The following ASAP1 variants were observed in gnomAD, a reference collection of about 807,000 sequenced individuals.
ASAP1 encodes the protein arf-GAP with SH3 domain, ANK repeat and PH domain-containing protein 1.
Under a neutral mutation model 145.2 loss-of-function variants are expected in ASAP1, and 43 were observed. That is an observed-to-expected ratio of 0.30 (90% confidence interval 0.23 to 0.38). The LOEUF is 0.38. Ranked by LOEUF, ASAP1 falls within the 10% of genes least tolerant of loss-of-function variation. The probability of loss-of-function intolerance (pLI) is 1.00; values close to 1 mark genes in which losing one functional copy is unlikely to be tolerated. For missense variants in ASAP1, 1,018 were observed against 1,355.3 expected (o/e 0.75, Z 3.91); for synonymous variants, 546 against 515.5 (o/e 1.06, Z -0.80).
At chr8:130,184,201 T>A (rs1217840771) in intron 7 of ASAP1, among the ~76,000 whole-genome samples, 1 of 152,202 alleles carries the variant, frequency 6.6e-6, no homozygotes, top group Admixed American at 6.5e-5. Flanking sequence ...TATAAAAATG[T>A]AAACACTGAA....
intron 3 of ASAP1, among the ~76,000 whole-genome samples, chr8:130,240,910 A>G (rs1818486897): frequency 6.6e-6 from 1 of 152,136 alleles, no homozygotes; most frequent in Non-Finnish European, 1.5e-5. Flanking sequence ...GCTGCTAGGA[A>G]GCCATACTGA....
chr8:130,266,950 GATA>G (rs1565153342), intron 3 of ASAP1, among the ~76,000 whole-genome samples: 1 of 151,592 alleles, frequency 6.6e-6, no homozygotes, highest in South Asian at 2.1e-4. Context: ...GAAAAAGTAG[GATA>G]ATAAGTGAGG....
At chr8:130,176,444 T>C (rs1376618194) in intron 9 of ASAP1, among the ~76,000 whole-genome samples, 1 of 152,202 alleles carries the variant, frequency 6.6e-6, no homozygotes, top group African/African-American at 2.4e-5. Context: ...TAACTTTTAG[T>C]TGAATCCCCT....
chr8:130,066,102 G>A (rs905188170), intron 27 of ASAP1, among the ~76,000 whole-genome samples: 9 of 152,170 alleles, frequency 5.9e-5, no homozygotes, highest in Non-Finnish European at 1.3e-4. Context: ...TGATACAATC[G>A]TGGTACAATT....
At chr8:130,146,020 T>TTC (rs2097628984) in intron 13 of ASAP1, among the ~76,000 whole-genome samples, 1 of 150,544 alleles carries the variant, frequency 6.6e-6, no homozygotes, top group South Asian at 2.1e-4. Flanking sequence ...TTTTGTGTTT[T>TTC]TTTTTTTTTT....
intron 17 of ASAP1, 89 bp downstream of exon 17, chr8:130,125,867 C>T (rs2097574199): frequency 1.5e-6 from 2 of 1,325,852 alleles, no homozygotes; most frequent in Non-Finnish European, 2.1e-6. Flanking sequence ...TCTTTGTACT[C>T]AGCAGACATA....
At chr8:130,332,472 G>A (rs1824757586) in intron 3 of ASAP1, among the ~76,000 whole-genome samples, 2 of 152,130 alleles carry the variant, frequency 1.3e-5, no homozygotes, top group African/African-American at 2.4e-5. Context: ...TTTGTACACT[G>A]TCAAATAAAA....
At chr8:130,255,182 GTT>G (rs1329738522) in intron 3 of ASAP1, among the ~76,000 whole-genome samples, 1 of 152,080 alleles carries the variant, frequency 6.6e-6, no homozygotes. Flanking sequence ...CCCTAAGTCT[GTT>G]TCCTACTTAT....
rs1814795981 is a variant in ASAP1, at chr8:130,187,233, T to TA, written c.530+2dup. The TA allele has an allele frequency of 6.2e-7, 1 of 1,606,032 alleles. No individual in the cohort carries two copies. Among genetic ancestry groups the TA allele is most frequent in the Non-Finnish European group, 8.5e-7 (1 of 1,177,758 alleles). ...CAAAAACTCTAAACAAAAAACCACT[T>TA]ACAACTTTGTCTCATAATCTTTCCA... On this transcript the variant is annotated splice_region_variant and intron_variant, in intron 7 of 29. Transcript: ENST00000518721.
chr8:130,293,374 C>G (rs1353427367), intron 3 of ASAP1, among the ~76,000 whole-genome samples: 1 of 152,196 alleles, frequency 6.6e-6, no homozygotes, highest in African/African-American at 2.4e-5. Context: ...AATCACCCAA[C>G]TGAGGCAGCA....
intron 1 of ASAP1, among the ~76,000 whole-genome samples, chr8:130,410,864 C>A (rs1829236751): frequency 6.6e-6 from 1 of 152,100 alleles, no homozygotes; most frequent in African/African-American, 2.4e-5. Flanking sequence ...GTGTCATCTT[C>A]TTTTTCTGTT....
rs1338975041 is a variant in ASAP1 at position 130,358,761 on chromosome 8, C to T, written c.60-618G>A. Among the ~76,000 whole-genome samples, 1 of 145,690 alleles carries T rather than the reference C, an allele frequency of 6.9e-6. No individual in the cohort carries two copies. Among genetic ancestry groups the T allele is most frequent in the Non-Finnish European group, 1.5e-5 (1 of 65,688 alleles). On this transcript the variant is annotated intron_variant, in intron 2 of 29. Coordinates refer to ENST00000518721, the MANE Select transcript of ASAP1 (RefSeq NM_018482.4). This position sits in a 1 kb window ranked among gnomAD's most constrained non-coding sequence, Gnocchi z 4.1. ...GCCCGGCCCCCGCCCCGCCCCGCCC[C>T]CGCTCGCGCACAGCCCCTGGGGCCT...
chr8:130,352,870 ACT>A (rs1287008982), intron 3 of ASAP1, among the ~76,000 whole-genome samples: 4 of 152,246 alleles, frequency 2.6e-5, no homozygotes, highest in Non-Finnish European at 5.9e-5. Flanking sequence ...TTCAGAAATA[ACT>A]GAACACACCA....
chr8:130,392,270 TA>T (rs1370498395), intron 2 of ASAP1, among the ~76,000 whole-genome samples: 3 of 152,192 alleles, frequency 2.0e-5, no homozygotes, highest in Admixed American at 6.5e-5. Context: ...CCTGCTGCCT[TA>T]GAGACTATCA....
At chr8:130,389,621 TCTGGTACCAGCCAGAA>T (rs1362622411) in intron 2 of ASAP1, among the ~76,000 whole-genome samples, 1 of 152,188 alleles carries the variant, frequency 6.6e-6, no homozygotes, top group Non-Finnish European at 1.5e-5. Context: ...TGTATAAAGT[TCTGGTACCAGCCAGAA>T]CTACCTAAGC....
chr8:130,181,250 A>C lies in ASAP1; in HGVS notation c.531-370T>G, dbSNP rs150928949. 3.4e-3 allele frequency among the ~76,000 whole-genome samples: 519 copies of C among 152,328 alleles called. 1 individual carries two copies. The highest frequency in any genetic ancestry group is 0.011 in the African/African-American group (461 of 41,568). On this transcript the variant is annotated intron_variant, in intron 7 of 29. Transcript: ENST00000518721. ...AAAGCCTACAATCAAACAGAACACA[A>C]ACACTGTATGGATTTTCATATGGGA... is the stretch of plus-strand genomic sequence containing the variant.
chr8:130,072,832 G>GCGCACGCGC (rs61663506), intron 27 of ASAP1, among the ~76,000 whole-genome samples: 1 of 11,734 alleles, frequency 8.5e-5, no homozygotes, highest in Non-Finnish European at 1.5e-4. Flanking sequence ...TGTGCGCGCG[G>GCGCACGCGC]GGGGGGGCAG....
At chr8:130,442,468 T>C (rs532506253) in intron 1 of ASAP1, among the ~76,000 whole-genome samples, 17 of 152,308 alleles carry the variant, frequency 1.1e-4, no homozygotes, top group African/African-American at 3.1e-4. Context: ...CAGAAAGGCT[T>C]TGGGATGAAG....
At chr8:130,256,461 A>T (rs1295127473) in intron 3 of ASAP1, among the ~76,000 whole-genome samples, 3 of 151,948 alleles carry the variant, frequency 2.0e-5, no homozygotes, top group Non-Finnish European at 4.4e-5. Flanking sequence ...CATTTGGCAC[A>T]ATATTCAAGA....
Sources: gnomAD v4.1 joint callset for allele counts (sites outside exome capture counted in the v4.1 genomes callset) on GRCh38, gnomAD v4.1.1 for gene constraint, Gnocchi (gnomAD v3.1) non-coding constraint, MANE v1.5 for transcripts, NCBI Gene and HGNC (gene_info 2026-07-23, HGNC 2026-07-21) for gene names.